PRH1: variants seen among roughly 807,000 people sequenced by gnomAD.
PRH1 encodes proline rich protein HaeIII subfamily 1, also known as salivary acidic proline-rich phosphoprotein 1/2.
In PRH1, 7 loss-of-function variants were observed where a neutral mutation model predicts 7.9. The ratio of observed to expected loss-of-function variants is 0.89; its 90% CI spans 0.50 to 1.67. The LOEUF (loss-of-function observed/expected upper bound fraction) is 1.67. Ranked by LOEUF, PRH1 falls within the 40% of genes most tolerant of loss-of-function variation. The pLI is 0.00. For missense variants in PRH1, 109 were observed against 223.6 expected (o/e 0.49, Z 3.27); for synonymous variants, 45 against 80.8 (o/e 0.56, Z 2.38).
intron 1 of PRH1, among the ~76,000 whole-genome samples, chr12:11,020,363 G>GATATACATATATAT (rs1941545268): frequency 1.9e-4 from 17 of 87,582 alleles, no homozygotes; most frequent in African/African-American, 6.2e-4. Context: ...TATGATAAGC[G>GATATACATATATAT]ATATATATAT....
Position 11,039,111 on chromosome 12 carries a change from A to C in PRH1, c.-126+7909T>G, listed in dbSNP as rs567906221. ...TATTGAAATATAAAAATAGTCTACA[A>C]GCTTAATGTAGGTGTCCATGGGAAA... On this transcript the variant is annotated intron_variant, in intron 1 of 3. Coordinates refer to the PRH1 transcript ENST00000539853. Among the ~76,000 whole-genome samples, 68 of 152,348 alleles carry C rather than the reference A, an allele frequency of 4.5e-4. No individual in the cohort carries two copies. In the East Asian group the frequency reaches 9.3e-3, roughly 21 times the overall value.
At chr12:11,105,252 G>C (rs1945376195) in intron 1 of PRH1, among the ~76,000 whole-genome samples, 1 of 152,000 alleles carries the variant, frequency 6.6e-6, no homozygotes, top group Non-Finnish European at 1.5e-5. Context: ...GTGTCCATGG[G>C]AAAATATAAA....
chr12:11,133,216 A>G, intron 1 of PRH1: 2 of 1,524,972 alleles, frequency 1.3e-6, no homozygotes, highest in East Asian at 2.3e-5. Flanking sequence ...GAAATTATTC[A>G]TATACATATA....
chr12:10,927,529 T>C (rs762748354), intron 2 of PRH1, among the ~76,000 whole-genome samples: 1 of 152,200 alleles, frequency 6.6e-6, no homozygotes, highest in Non-Finnish European at 1.5e-5. Flanking sequence ...ACTTCAAATA[T>C]GTCTATATTT....
rs1291993988 is a variant in PRH1, at chr12:11,081,340, C to A, written n.124-34152G>T. 2.6e-5 allele frequency among the ~76,000 whole-genome samples: 3 copies of A among 116,256 alleles called. 1 individual carries two copies. The highest frequency in any genetic ancestry group is 3.9e-3 in the Middle Eastern group (1 of 258). The allele number at this position is 116,256 out of a possible 152,430, so 76.3% of individuals were successfully genotyped here. On this transcript the variant is annotated intron_variant and non_coding_transcript_variant, in intron 1 of 4. Transcript: ENST00000541977. ...TTAGTGTTCAGAATAATCTTTTATT[C>A]TCCTTCCATAAATCATTTTCTAGGG...
intron 1 of PRH1, among the ~76,000 whole-genome samples, chr12:11,042,170 A>T (rs1197580279): frequency 3.3e-5 from 5 of 152,212 alleles, no homozygotes; most frequent in Admixed American, 2.6e-4. Flanking sequence ...AATACAAAAG[A>T]TCAATGAAAC....
intron 1 of PRH1, among the ~76,000 whole-genome samples, chr12:11,083,792 TA>T (rs370791391): frequency 0.12 from 10,217 of 83,448 alleles, 4 homozygotes; most frequent in African/African-American, 0.19. Context: ...ATTAAAAATA[TA>T]TTTTTGTAAA....
chr12:11,103,709 A>G (rs1025491672), intron 1 of PRH1, among the ~76,000 whole-genome samples: 3 of 151,812 alleles, frequency 2.0e-5, no homozygotes, highest in African/African-American at 7.2e-5. Flanking sequence ...AATAAATAAA[A>G]TATAAAAAAA....
intron 1 of PRH1, among the ~76,000 whole-genome samples, chr12:11,036,199 G>GT (rs773086801): frequency 2.9e-3 from 435 of 152,290 alleles, no homozygotes; most frequent in Non-Finnish European, 3.8e-3. Context: ...GCCCTATGCT[G>GT]TTTTAATTAG....
chr12:10,908,253 C>A (rs2135822330), intron 2 of PRH1: 1 of 727,124 alleles, frequency 1.4e-6, no homozygotes, highest in Non-Finnish European at 2.2e-6. Flanking sequence ...GAATTTAAAA[C>A]ATTTACAGTG....
At chr12:11,060,291 A>G (rs1943533517) in intron 1 of PRH1, among the ~76,000 whole-genome samples, 1 of 152,118 alleles carries the variant, frequency 6.6e-6, no homozygotes, top group South Asian at 2.1e-4. Flanking sequence ...TATAATTAAA[A>G]CATAGATTTC....
intron 1 of PRH1, among the ~76,000 whole-genome samples, chr12:11,089,767 A>G (rs1944818676): frequency 1.1e-5 from 1 of 93,338 alleles, no homozygotes; most frequent in Non-Finnish European, 2.6e-5. Context: ...CAAATAGACC[A>G]AAGTTGTTTA....
intron 1 of PRH1, among the ~76,000 whole-genome samples, chr12:11,004,460 A>T (rs1159822960): frequency 6.6e-6 from 1 of 152,130 alleles, no homozygotes; most frequent in Admixed American, 6.6e-5. Flanking sequence ...AGCTGAGATC[A>T]CACCACTGCA....
chr12:11,061,636 C>A (rs1943608164), intron 1 of PRH1: 1 of 1,613,926 alleles, frequency 6.2e-7, no homozygotes, highest in African/African-American at 1.3e-5. Flanking sequence ...GACCTTCATG[C>A]TGGGATCTTG....
chr12:11,061,470 G>T (rs764769965), intron 1 of PRH1: 36 of 1,614,042 alleles, frequency 2.2e-5, no homozygotes, highest in Non-Finnish European at 3.0e-5. Flanking sequence ...GGATGAATGG[G>T]TGGGTTGAAG....
chr12:10,983,452 G>A (rs1248369353), intron 1 of PRH1, among the ~76,000 whole-genome samples: 2 of 152,092 alleles, frequency 1.3e-5, no homozygotes, highest in African/African-American at 4.8e-5. Flanking sequence ...TCTTTTCTTG[G>A]TCAGCACCTT....
At chr12:11,130,201 C>A (rs1289769848) in intron 1 of PRH1, among the ~76,000 whole-genome samples, 1 of 152,138 alleles carries the variant, frequency 6.6e-6, no homozygotes, top group Non-Finnish European at 1.5e-5. Context: ...CAGGAAATGG[C>A]AAGTTTCTTC....
chr12:11,054,045 T>G (rs1435642454), intron 1 of PRH1, among the ~76,000 whole-genome samples: 1 of 152,148 alleles, frequency 6.6e-6, no homozygotes, highest in Non-Finnish European at 1.5e-5. Context: ...GGTCTGGAAC[T>G]CCTGACCTCA....
chr12:11,130,802 T>C (rs1408405442), intron 1 of PRH1, among the ~76,000 whole-genome samples: 3 of 152,092 alleles, frequency 2.0e-5, no homozygotes, highest in Non-Finnish European at 2.9e-5. Flanking sequence ...AATCCAAGCA[T>C]AGAGTCACTC....
Sources: allele counts gnomAD v4.1 joint callset (sites outside exome capture counted in the v4.1 genomes callset), GRCh38; gene constraint gnomAD v4.1.1; transcripts MANE v1.5; gene names NCBI Gene and HGNC (gene_info 2026-07-23, HGNC 2026-07-21).